Variants in EDA observed in about 807,000 individuals in gnomAD.
EDA encodes the protein ectodysplasin-A.
A neutral mutation model predicts 23.6 loss-of-function variants in EDA; 2 were observed. That is an observed-to-expected ratio of 0.08 (90% CI 0.03 to 0.27). The LOEUF (loss-of-function observed/expected upper bound fraction) is 0.27. Among genes scored for constraint, EDA ranks in the 10% least tolerant of loss-of-function variants. The pLI, the probability that EDA is intolerant of heterozygous loss-of-function variation, is 1.00. For missense variants in EDA, 229 were observed against 324.2 expected, an observed-to-expected ratio of 0.71 and a Z score of 2.26; for synonymous variants, 131 against 132.0, an observed-to-expected ratio of 0.99 and a Z score of 0.05.
chrX:70,028,587 G>A (rs1424111037), intron 4 of EDA, among the ~76,000 whole-genome samples: 2 of 112,469 alleles, frequency 1.8e-5, no homozygotes, highest in Non-Finnish European at 3.8e-5. Context: ...AGTCACTCAG[G>A]CTGTGGATGA....
intron 1 of EDA, among the ~76,000 whole-genome samples, chrX:69,672,860 C>T (rs757706032): frequency 1.2e-3 from 120 of 98,916 alleles, no homozygotes; most frequent in Middle Eastern, 5.2e-3. Flanking sequence ...CCAGCCTGGG[C>T]GACAGAGTGA....
chrX:70,013,738 AGAC>A (rs1569401039), intron 2 of EDA, among the ~76,000 whole-genome samples: 1 of 110,617 alleles, frequency 9.0e-6, no homozygotes, highest in Non-Finnish European at 1.9e-5. Flanking sequence ...GAGCTCCCAG[AGAC>A]GACTGAAAGC....
intron 2 of EDA, among the ~76,000 whole-genome samples, chrX:70,015,482 A>C (rs2019935333): frequency 9.0e-6 from 1 of 111,406 alleles, no homozygotes; most frequent in Non-Finnish European, 1.9e-5. Context: ...CTGAGGCAGG[A>C]GAATCACTTG....
chrX:69,906,715 T>G (rs2018182987), intron 1 of EDA, among the ~76,000 whole-genome samples: 1 of 111,513 alleles, frequency 9.0e-6, no homozygotes, highest in South Asian at 3.8e-4. Flanking sequence ...CACCATAAAG[T>G]CAGGTTTATT....
intron 1 of EDA, among the ~76,000 whole-genome samples, chrX:69,760,686 T>C (rs1031795523): frequency 1.4e-4 from 16 of 111,980 alleles, no homozygotes; most frequent in Admixed American, 2.9e-4. Flanking sequence ...AAAATAATTA[T>C]AAGAAACAAA....
intron 2 of EDA, among the ~76,000 whole-genome samples, chrX:69,971,055 A>G (rs1250505763): frequency 8.9e-6 from 1 of 112,333 alleles, no homozygotes; most frequent in Non-Finnish European, 1.9e-5. Context: ...GACACAGTTT[A>G]ATAATTCCTG....
chrX:69,777,150 G>GTTGTTGTT (rs1395663355), intron 1 of EDA, among the ~76,000 whole-genome samples: 1 of 108,988 alleles, frequency 9.2e-6, no homozygotes, highest in Non-Finnish European at 1.9e-5. Context: ...GGGTTTTGTT[G>GTTGTTGTT]TTGTTGTTGT....
At chrX:69,815,002 C>T (rs904843336) in intron 1 of EDA, among the ~76,000 whole-genome samples, 3 of 111,593 alleles carry the variant, frequency 2.7e-5, no homozygotes, top group Non-Finnish European at 5.7e-5. Flanking sequence ...GAAATCCGTC[C>T]GTACCTATCC....
intron 1 of EDA, among the ~76,000 whole-genome samples, chrX:69,736,518 G>C (rs1239574736): frequency 9.2e-6 from 1 of 108,989 alleles, no homozygotes; most frequent in African/African-American, 3.3e-5. Context: ...TAGTAGAGAC[G>C]AAGTTTCTCC....
intron 1 of EDA, among the ~76,000 whole-genome samples, chrX:69,933,517 T>TA (rs751871075): frequency 9.0e-6 from 1 of 110,904 alleles, no homozygotes; most frequent in African/African-American, 3.3e-5. Context: ...CCGTCTCTAC[T>TA]AAAAATACAA....
At chrX:69,941,485 G>A (rs1400850357) in intron 1 of EDA, among the ~76,000 whole-genome samples, 5 of 110,984 alleles carry the variant, frequency 4.5e-5, no homozygotes, top group Non-Finnish European at 5.7e-5. Context: ...ATTTAAAATT[G>A]TTATATCCTC....
At chrX:69,865,303 C>CAT (rs1441321055) in intron 1 of EDA, among the ~76,000 whole-genome samples, 1 of 110,018 alleles carries the variant, frequency 9.1e-6, no homozygotes, top group Non-Finnish European at 1.9e-5. Flanking sequence ...AATAAACTCC[C>CAT]ATATATATAC....
At chrX:69,969,650 G>A (rs188441313) in intron 2 of EDA, among the ~76,000 whole-genome samples, 48 of 111,586 alleles carry the variant, frequency 4.3e-4, no homozygotes, top group African/African-American at 1.5e-3. Flanking sequence ...GCATATTTGC[G>A]GTACACATAT....
At chrX:69,951,913 A>T (rs1003846670) in intron 1 of EDA, among the ~76,000 whole-genome samples, 2 of 112,071 alleles carry the variant, frequency 1.8e-5, no homozygotes, top group Admixed American at 1.9e-4. Context: ...TGTGGCCAAC[A>T]TTCCTGATGC....
chrX:69,702,166 A>G (rs2520373), intron 1 of EDA, among the ~76,000 whole-genome samples: 33,827 of 110,574 alleles, frequency 0.31, 4,905 homozygotes, highest in Middle Eastern at 0.56. Context: ...AGTTCCTGCT[A>G]CTTCCCAAAG....
chrX:69,876,742 G>A (rs1462113491), intron 1 of EDA, among the ~76,000 whole-genome samples: 1 of 112,004 alleles, frequency 8.9e-6, no homozygotes, highest in African/African-American at 3.2e-5. Context: ...ATGCATTTGA[G>A]GTTTATCTGT....
intron 1 of EDA, among the ~76,000 whole-genome samples, chrX:69,913,801 C>T (rs1198450153): frequency 9.0e-6 from 1 of 111,520 alleles, no homozygotes; most frequent in Admixed American, 9.6e-5. Flanking sequence ...TGCCACTCTC[C>T]CTTTCACTGA....
chrX:69,830,941 T>C (rs1398747091), intron 1 of EDA, among the ~76,000 whole-genome samples: 1 of 111,783 alleles, frequency 8.9e-6, no homozygotes, highest in African/African-American at 3.2e-5. Flanking sequence ...GTTTGGGGTA[T>C]ACCACATACT....
rs1569281343 is a variant in EDA, at chrX:69,645,618, G to GTATATATATATATATA, written c.396+28915_396+28916insATATATATATATATAT. On this transcript the variant is annotated intron_variant, in intron 1 of 7. Transcript: ENST00000374552. Reference sequence around the variant, plus strand: ...TGTGTGTGTGTATATATATATATGTGTGTGTATATATATATATGTATAAAA... The same window carrying GTATATATATATATATA: ...TGTGTGTGTGTATATATATATATGTGTATATATATATATATATGTGTATATATATATATGTATAAAA... 8.9e-5 allele frequency among the ~76,000 whole-genome samples: 6 copies of GTATATATATATATATA among 67,589 alleles called. 1 individual carries two copies. The highest frequency in any genetic ancestry group is 5.9e-3 in the Middle Eastern group (1 of 169). The allele number at this position is 67,589 out of a possible 115,157, so 58.7% of individuals were successfully genotyped here.
Sources: gnomAD v4.1 joint callset for allele counts (sites outside exome capture counted in the v4.1 genomes callset) on GRCh38, gnomAD v4.1.1 for gene constraint, MANE v1.5 for transcripts, NCBI Gene and HGNC (gene_info 2026-07-23, HGNC 2026-07-21) for gene names.